RRBP1: variants seen among roughly 807,000 people sequenced by gnomAD.
The protein encoded by RRBP1 is ribosome-binding protein 1.
RRBP1 carries 94 observed loss-of-function variants against 165.2 expected under a neutral mutation model. The observed-to-expected ratio is 0.57, with a 90% CI of 0.48 to 0.68. RRBP1 has a LOEUF of 0.68. RRBP1 is among the 30% of genes least tolerant of loss of function. The pLI, the probability that RRBP1 is intolerant of heterozygous loss-of-function variation, is 0.00. For synonymous variants in RRBP1, 680 were observed against 714.5 expected (o/e 0.95, Z 0.77); for missense variants, 1,676 against 1,763.0 (o/e 0.95, Z 0.88).
chr20:17,634,865 T>C (rs909596819), intron 7 of RRBP1, among the ~76,000 whole-genome samples: 11 of 152,126 alleles, frequency 7.2e-5, no homozygotes, highest in African/African-American at 1.9e-4. Context: ...TCAAAACAGA[T>C]ACTTGGCCCA....
chr20:17,645,774 C>A (rs1006177716), intron 3 of RRBP1, among the ~76,000 whole-genome samples: 2 of 152,212 alleles, frequency 1.3e-5, no homozygotes, highest in Non-Finnish European at 2.9e-5. Context: ...ATTGTGAAAT[C>A]TTAACGCACT....
At chr20:17,669,742 C>T (rs1270873600) in intron 2 of RRBP1, among the ~76,000 whole-genome samples, 13 of 152,076 alleles carry the variant, frequency 8.5e-5, no homozygotes, top group African/African-American at 4.8e-5. Context: ...TCTGAAGTTT[C>T]GTTTTCTGCT....
At chr20:17,636,532 C>G (rs775721406) in intron 6 of RRBP1, 45 bp downstream of exon 6, 2 of 1,596,240 alleles carry the variant, frequency 1.3e-6, no homozygotes, top group Admixed American at 3.4e-5. Flanking sequence ...TGGACCTGGA[C>G]TGGGTCCTGT....
chr20:17,667,799 C>T (rs1408640006), intron 2 of RRBP1, among the ~76,000 whole-genome samples: 1 of 152,214 alleles, frequency 6.6e-6, no homozygotes, highest in Non-Finnish European at 1.5e-5. Context: ...TGCCAAAGTA[C>T]ATCCTTGAGT....
chr20:17,627,079 C>T (rs368127033), intron 11 of RRBP1, among the ~76,000 whole-genome samples: 28 of 152,194 alleles, frequency 1.8e-4, no homozygotes, highest in East Asian at 5.8e-4. Flanking sequence ...GGTGGATGGA[C>T]GGACGGCAGG....
chr20:17,656,624 C>T (rs1011048543), intron 3 of RRBP1, among the ~76,000 whole-genome samples: 4 of 152,166 alleles, frequency 2.6e-5, no homozygotes, highest in African/African-American at 9.7e-5. Context: ...CTTGTAATTA[C>T]AACAGTTGGG....
Position 17,633,600 on chromosome 20 carries a change from G to C in RRBP1, c.2470C>G (p.Leu824Val). ...CTGAGCTCCTGCCGAAGCTTGGCCA[G>C]CTCTGCGTTCTGCCTGCAAGACAGT... The part of the protein sequence containing the change: ...SQVESKQNAE[L>V]AKLRQELSKV... Residue 824 changes from leucine to valine, a missense_variant, in exon 8 of 25, where the codon CTG (leucine) becomes GTG (valine). Transcript: ENST00000377813. The C allele has an allele frequency of 6.2e-7, 1 of 1,613,930 alleles. No homozygotes were observed. The highest frequency in any genetic ancestry group is 8.5e-7 in the Non-Finnish European group (1 of 1,179,992).
chr20:17,674,794 A>T (rs1163534611), intron 2 of RRBP1, among the ~76,000 whole-genome samples: 4 of 152,168 alleles, frequency 2.6e-5, no homozygotes, highest in African/African-American at 7.2e-5. Flanking sequence ...CCTAAGGAAC[A>T]TTCTTGCCCA....
rs1051954 is a variant in RRBP1 at position 17,627,588 on chromosome 20, C to T, written c.2844G>A (p.Ala948=). The change falls in exon 10 of 25, where the codon GCG becomes GCA. Residue 948 remains alanine, a synonymous_variant. Coordinates refer to ENST00000377813, the MANE Select transcript of RRBP1 (RefSeq NM_001365613.2). ...TTCTCTCTGTGAGCTGGGAGTTCTC[C>T]GCCCTGGCCTCCTGGAGCTGCCCGT... is the stretch of plus-strand genomic sequence containing the variant. ...GLHGQLQEAR[A]ENSQLTERIR... The T allele has an allele frequency of 5.1e-3, 8,253 of 1,613,546 alleles. 185 individuals are homozygous for T. In the East Asian group the frequency reaches 0.062, roughly 12 times the overall value.
In RRBP1 at chr20:17,627,559, C is replaced by A; in HGVS notation, c.2873G>T (p.Arg958Leu). 1.2e-6 allele frequency: 2 copies of A among 1,613,462 alleles called. No individual in the cohort carries two copies. The highest frequency in any genetic ancestry group is 8.5e-7 in the Non-Finnish European group (1 of 1,179,898). The change falls in exon 10 of 25, where the codon CGT becomes CTT. Residue 958 changes from arginine (R) to leucine (L), a missense_variant. This residue lies in a region of RRBP1 where 1,184 missense variants were observed against 1,167.1 expected (regional missense o/e 1.01). Transcript: ENST00000377813. Reference protein sequence around the residue: ...AENSQLTERIRSIEALLEAGQ... With the variant: ...AENSQLTERILSIEALLEAGQ... Reference sequence around the variant, plus strand: ...CGCCTCCAGCAGGGCCTCAATGGAACGGATTCTCTCTGTGAGCTGGGAGTT... The same window carrying A: ...CGCCTCCAGCAGGGCCTCAATGGAAAGGATTCTCTCTGTGAGCTGGGAGTT...
chr20:17,624,034 AAAAAGCTCAT>A (rs1303847021), intron 13 of RRBP1, among the ~76,000 whole-genome samples: 1 of 152,196 alleles, frequency 6.6e-6, no homozygotes, highest in Non-Finnish European at 1.5e-5. Flanking sequence ...AATAACACCA[AAAAAGCTCAT>A]AAAGAGTGCA....
chr20:17,654,006 C>A (rs1328291868), intron 3 of RRBP1, among the ~76,000 whole-genome samples: 5 of 152,124 alleles, frequency 3.3e-5, no homozygotes, highest in Non-Finnish European at 5.9e-5. Flanking sequence ...AACAGTAATG[C>A]ACAAACGCAT....
intron 5 of RRBP1, among the ~76,000 whole-genome samples, chr20:17,638,241 G>A (rs1341110673): frequency 6.6e-6 from 1 of 152,250 alleles, no homozygotes; most frequent in Non-Finnish European, 1.5e-5. Flanking sequence ...CCAGCAGAGA[G>A]GAGGCCGCTC....
At chr20:17,628,583 T>C (rs73898384) in intron 9 of RRBP1, among the ~76,000 whole-genome samples, 2,412 of 152,316 alleles carry the variant, frequency 0.016, 61 homozygotes, top group African/African-American at 0.055. Context: ...CTGTCACACC[T>C]TCCACGGTGC....
chr20:17,634,282 G>A (rs1365507086), intron 7 of RRBP1, among the ~76,000 whole-genome samples: 4 of 152,222 alleles, frequency 2.6e-5, no homozygotes, highest in African/African-American at 7.2e-5. Flanking sequence ...ACCACCAGAC[G>A]AGACTGTCCC....
At chr20:17,622,603 C>T (rs1182238687) in intron 13 of RRBP1, among the ~76,000 whole-genome samples, 1 of 152,006 alleles carries the variant, frequency 6.6e-6, no homozygotes, top group East Asian at 1.9e-4. Flanking sequence ...GTCGGACACC[C>T]CCTCAGTCCT....
Position 17,615,440 on chromosome 20 carries a change from T to TGAG in RRBP1, c.4038_4040dup (p.Ser1347dup). On this transcript the variant is annotated inframe_insertion, in exon 23 of 25. Transcript: ENST00000377813. ...CCCAGCCCCTGCCTGCCTTCAGCTG[T>TGAG]GAGGCCTCCTCTGTTTCTGAAGACT... is the stretch of plus-strand genomic sequence containing the variant. 1 of 1,608,924 alleles carries TGAG rather than the reference T, an allele frequency of 6.2e-7. No homozygotes were observed. The highest frequency in any genetic ancestry group is 8.5e-7 in the Non-Finnish European group (1 of 1,177,768).
At chr20:17,624,730 G>A in intron 12 of RRBP1, 62 bp from the exon 13 acceptor site, 1 of 1,231,412 alleles carries the variant, frequency 8.1e-7, no homozygotes, top group East Asian at 2.5e-5. Flanking sequence ...GCCTAAGCTG[G>A]TGTCAGACAG....
Position 17,659,640 on chromosome 20 carries a change from T to G in RRBP1, c.868A>C (p.Arg290=). 1 of 1,550,544 alleles carries G rather than the reference T, an allele frequency of 6.4e-7. No individual in the cohort carries two copies. The highest frequency in any genetic ancestry group is 8.7e-7 in the Non-Finnish European group (1 of 1,146,952). ...KKVEGAPTQG[R]KAEGAQNQAK... ...TGGTTCTGAGCCCCCTCGGCCTTTC[T>G]GCCCTGGGTTGGGGCCCCCTCCACC... Residue 290 remains arginine, a synonymous_variant, in exon 3 of 25, where the codon AGA becomes CGA. Transcript: ENST00000377813.
Sources: allele counts gnomAD v4.1 joint callset (sites outside exome capture counted in the v4.1 genomes callset), GRCh38; gene constraint gnomAD v4.1.1; regional missense constraint gnomAD v4.1.1; transcripts MANE v1.5; gene names NCBI Gene and HGNC (gene_info 2026-07-23, HGNC 2026-07-21).